The following ING5 variants were observed in gnomAD, a reference collection of about 807,000 sequenced individuals.
ING5 encodes inhibitor of growth family member 5.
Under a neutral mutation model 37.4 loss-of-function variants are expected in ING5, and 17 were observed. The ratio of observed to expected loss-of-function variants is 0.45; its 90% CI spans 0.31 to 0.68. ING5 has a LOEUF of 0.68. Ranked by LOEUF, ING5 falls within the 30% of genes least tolerant of loss-of-function variation. The probability of loss-of-function intolerance (pLI) is 0.05; values close to 1 mark genes in which losing one functional copy is unlikely to be tolerated. For synonymous variants in ING5, 123 were observed against 116.6 expected (o/e 1.06, Z -0.36); for missense variants, 233 against 311.9 (o/e 0.75, Z 1.91).
At position 241,718,930 on chromosome 2, in the gene ING5, C is replaced by A. The variant is rs567706860; in HGVS notation, c.483-4009C>A. Among the ~76,000 whole-genome samples the A allele has an allele frequency of 1.9e-3, 286 of 152,046 alleles. 3 individuals carry two copies. The highest frequency in any genetic ancestry group is 6.5e-3 in the African/African-American group (271 of 41,562). On this transcript the variant is annotated intron_variant, in intron 5 of 7. Transcript: ENST00000313552. ...ATTTCCCTGCTGAGGGTACATGTCT[C>A]ATGATTTATTAGCTGTCTGACTTTA... is the stretch of plus-strand genomic sequence containing the variant.
intron 2 of ING5, among the ~76,000 whole-genome samples, chr2:241,706,776 C>T (rs1370645731): frequency 2.0e-5 from 3 of 152,170 alleles, no homozygotes; most frequent in East Asian, 3.9e-4. Flanking sequence ...AGGAAGTTGG[C>T]GACATTGCTG....
intron 5 of ING5, among the ~76,000 whole-genome samples, chr2:241,714,707 T>C (rs957196348): frequency 2.0e-5 from 3 of 151,718 alleles, no homozygotes; most frequent in African/African-American, 7.3e-5. Flanking sequence ...CAGGCTCAAG[T>C]GATTCTCCCA....
At chr2:241,697,359 C>T (rs1375411269), upstream of ING5, among the ~76,000 whole-genome samples, 2 of 147,580 alleles carry the variant, frequency 1.4e-5, no homozygotes, top group African/African-American at 2.5e-5. Context: ...GGCATGAACC[C>T]GGGAGGCGGA....
chr2:241,699,037 T>TGG (rs2069674055), upstream of ING5, among the ~76,000 whole-genome samples: 6 of 113,068 alleles, frequency 5.3e-5, no homozygotes, highest in African/African-American at 2.6e-4. Context: ...GAATTTTTTT[T>TGG]TGGGGGGGGA....
intron 7 of ING5, 31 bp downstream of exon 7, chr2:241,723,302 C>T (rs772492310): frequency 1.2e-6 from 2 of 1,608,454 alleles, no homozygotes; most frequent in South Asian, 2.2e-5. Context: ...TCTGTTTTCT[C>T]CCAGTCTGCT....
chr2:241,698,540 G>T (rs767434928), upstream of ING5, among the ~76,000 whole-genome samples: 6 of 138,898 alleles, frequency 4.3e-5, no homozygotes, highest in Non-Finnish European at 7.8e-5. Flanking sequence ...TGTGTGTGTG[G>T]AGGAGTATAT....
At chr2:241,712,180 C>A in intron 5 of ING5, 109 bp downstream of exon 5, 1 of 886,280 alleles carries the variant, frequency 1.1e-6, no homozygotes, top group Non-Finnish European at 1.7e-6. Flanking sequence ...CCCCGTGTGC[C>A]GGGTGGTATT....
At chr2:241,687,718 G>A in exon 1 of ING5, 1 of 175,412 alleles carries the variant, frequency 5.7e-6, no homozygotes, top group African/African-American at 2.4e-5. Flanking sequence ...TAGTAGAGAC[G>A]GGGTTTCACC....
At chr2:241,707,921 C>T (rs1295429369) in intron 2 of ING5, among the ~76,000 whole-genome samples, 5 of 151,836 alleles carry the variant, frequency 3.3e-5, no homozygotes, top group African/African-American at 4.8e-5. Flanking sequence ...TTTTCTGAGA[C>T]GGAGTCTCGC....
At chr2:241,706,815 A>G (rs967441437) in intron 2 of ING5, among the ~76,000 whole-genome samples, 1 of 151,994 alleles carries the variant, frequency 6.6e-6, no homozygotes. Context: ...ACGTTGCTGC[A>G]GAAAATCTGG....
intron 5 of ING5, among the ~76,000 whole-genome samples, chr2:241,718,809 G>T (rs2070350343): frequency 6.6e-6 from 1 of 152,144 alleles, no homozygotes; most frequent in Non-Finnish European, 1.5e-5. Context: ...CAGCACTTTG[G>T]AAGGCTGAGG....
At chr2:241,722,481 G>T (rs866892601) in intron 5 of ING5, 2 of 985,254 alleles carry the variant, frequency 2.0e-6, no homozygotes, top group African/African-American at 3.5e-5. Flanking sequence ...GGGCCCGAAG[G>T]TGGGCGCGAG....
intron 1 of ING5, among the ~76,000 whole-genome samples, chr2:241,703,799 T>G (rs2069816794): frequency 6.6e-6 from 1 of 151,892 alleles, no homozygotes; most frequent in African/African-American, 2.4e-5. Flanking sequence ...AGAGACAGGG[T>G]TTCACCATGT....
At chr2:241,700,956 AT>A (rs60064812), upstream of ING5, among the ~76,000 whole-genome samples, 40 of 140,498 alleles carry the variant, frequency 2.8e-4, no homozygotes, top group Non-Finnish European at 4.2e-4. Flanking sequence ...TTTCTCCAGT[AT>A]TTTTTTTTTC....
Position 241,727,239 on chromosome 2 carries a change from G to A in ING5, c.*2208G>A, listed in dbSNP as rs958661042. 6.6e-6 allele frequency: 1 copy of A among 152,244 alleles called. No individual in the cohort carries two copies. The highest frequency in any genetic ancestry group is 2.4e-5 in the African/African-American group (1 of 41,456). The allele number at this position is 152,244 out of a possible 1,614,324, so 9.4% of individuals were successfully genotyped here. ...GGTGTCAGCCACTGCGCTCAGCTGG[G>A]AGATGAATTTTCATTTAATGACTTA... is the stretch of plus-strand genomic sequence containing the variant. On this transcript the variant is annotated 3_prime_UTR_variant, in exon 8 of 8. Transcript: ENST00000313552.
chr2:241,687,946 A>C (rs2069474416), exon 1 of ING5: 1 of 152,192 alleles, frequency 6.6e-6, no homozygotes, highest in African/African-American at 2.4e-5. Flanking sequence ...AATAGGAAAA[A>C]CTGTCTCTGC....
intron 5 of ING5, among the ~76,000 whole-genome samples, chr2:241,717,437 C>T (rs955200190): frequency 1.3e-5 from 2 of 152,072 alleles, no homozygotes; most frequent in Non-Finnish European, 2.9e-5. Context: ...ATTCTGCTTA[C>T]GTATATTTCT....
chr2:241,693,914 C>G (rs1484997508), intron 2 of ING5, among the ~76,000 whole-genome samples: 1 of 151,232 alleles, frequency 6.6e-6, no homozygotes, highest in Non-Finnish European at 1.5e-5. Context: ...CCGCCTTGGC[C>G]TCCTAAATTG....
At chr2:241,713,293 G>A (rs1217543374) in intron 5 of ING5, among the ~76,000 whole-genome samples, 46 of 151,340 alleles carry the variant, frequency 3.0e-4, no homozygotes, top group African/African-American at 7.0e-4. Flanking sequence ...CCTGACCTCA[G>A]GTGATCCACC....
Sources: gnomAD v4.1 joint callset for allele counts (sites outside exome capture counted in the v4.1 genomes callset) on GRCh38, gnomAD v4.1.1 for gene constraint, MANE v1.5 for transcripts, NCBI Gene and HGNC (gene_info 2026-07-23, HGNC 2026-07-21) for gene names.